UNC13C: variants seen among roughly 807,000 people sequenced by gnomAD.
UNC13C encodes the protein protein unc-13 homolog C.
A neutral mutation model predicts 245.4 loss-of-function variants in UNC13C; 174 were observed. That is an observed-to-expected ratio of 0.71 (90% CI 0.63 to 0.80). UNC13C has a LOEUF of 0.80. UNC13C is among the 30% of genes least tolerant of loss of function. The probability of loss-of-function intolerance (pLI) is 0.00; values close to 1 mark genes in which losing one functional copy is unlikely to be tolerated. For synonymous variants in UNC13C, 992 were observed against 895.1 expected (o/e 1.11, Z -1.93); for missense variants, 2,829 against 2,602.9 (o/e 1.09, Z -1.89).
intron 30 of UNC13C, among the ~76,000 whole-genome samples, chr15:54,594,072 A>G (rs1898939562): frequency 6.6e-6 from 1 of 152,140 alleles, no homozygotes; most frequent in Admixed American, 6.5e-5. Flanking sequence ...CCTGTGAGCC[A>G]TACTGCAGGG....
chr15:54,598,266 T>C (rs1371014823), intron 30 of UNC13C, among the ~76,000 whole-genome samples: 1 of 152,156 alleles, frequency 6.6e-6, no homozygotes, highest in Non-Finnish European at 1.5e-5. Context: ...CTAATTTTTG[T>C]GTATTTTTAG....
chr15:53,920,008 T>A, the UNC13C span, among the ~76,000 whole-genome samples: 3 of 152,186 alleles, frequency 2.0e-5, no homozygotes, highest in African/African-American at 7.2e-5. Context: ...GTATGCTTTG[T>A]ATATTAGAAG....
chr15:54,577,049 A>C (rs1420612708), intron 30 of UNC13C, among the ~76,000 whole-genome samples: 1 of 152,188 alleles, frequency 6.6e-6, no homozygotes, highest in Non-Finnish European at 1.5e-5. Flanking sequence ...TAGACACTGG[A>C]ACATCCAAAG....
At chr15:53,998,017 G>T (rs1300564378) in intron 1 of UNC13C, among the ~76,000 whole-genome samples, 1 of 151,998 alleles carries the variant, frequency 6.6e-6, no homozygotes, top group African/African-American at 2.4e-5. Context: ...TGCCCAGGCT[G>T]GTCTAGAATT....
In UNC13C at chr15:54,152,581, A is replaced by T. The variant is rs147280334; in HGVS notation, c.3071+8897A>T. On this transcript the variant is annotated intron_variant, in intron 4 of 32. Coordinates refer to ENST00000260323, the MANE Select transcript of UNC13C (RefSeq NM_001080534.3). The stretch of plus-strand genomic sequence containing the variant: ...CTTGAGTTTGAAGAGTAGCAAATTA[A>T]AACCACTGATACATCCTTTATGAAG... Among the ~76,000 whole-genome samples, 632 of 152,274 alleles carry T rather than the reference A, an allele frequency of 4.2e-3. 7 individuals are homozygous for T. Among genetic ancestry groups the T allele is most frequent in the African/African-American group, 0.015 (608 of 41,566 alleles).
chr15:54,378,823 A>T (rs2039660649), intron 17 of UNC13C, among the ~76,000 whole-genome samples: 1 of 151,968 alleles, frequency 6.6e-6, no homozygotes, highest in Non-Finnish European at 1.5e-5. Flanking sequence ...GTAATATTTT[A>T]TAATTATGTA....
At chr15:54,137,778 G>C (rs1463605963) in intron 2 of UNC13C, among the ~76,000 whole-genome samples, 7 of 151,972 alleles carry the variant, frequency 4.6e-5, no homozygotes, top group Non-Finnish European at 8.8e-5. Flanking sequence ...AACCCTCTTA[G>C]TTTCATCTAT....
chr15:54,035,338 A>G (rs1896531171), intron 2 of UNC13C, among the ~76,000 whole-genome samples: 1 of 152,046 alleles, frequency 6.6e-6, no homozygotes, highest in African/African-American at 2.4e-5. Flanking sequence ...ATTTCCCTTT[A>G]TATCTTCCTA....
chr15:54,583,494 G>T (rs1898303631), intron 30 of UNC13C, among the ~76,000 whole-genome samples: 1 of 152,114 alleles, frequency 6.6e-6, no homozygotes, highest in East Asian at 1.9e-4. Flanking sequence ...TCATTTAAAT[G>T]ACATTGCCAT....
At chr15:54,062,614 G>A (rs1185129806) in intron 2 of UNC13C, among the ~76,000 whole-genome samples, 1 of 152,178 alleles carries the variant, frequency 6.6e-6, no homozygotes, top group Non-Finnish European at 1.5e-5. Context: ...TGGAAGTACA[G>A]TTTAGTGTAA....
intron 4 of UNC13C, among the ~76,000 whole-genome samples, chr15:54,173,566 T>G (rs1056337193): frequency 9.2e-5 from 14 of 152,140 alleles, no homozygotes; most frequent in Non-Finnish European, 1.5e-4. Flanking sequence ...AATATTGATC[T>G]TGTATTCTGC....
chr15:54,529,469 A>G (rs769504401), intron 25 of UNC13C, among the ~76,000 whole-genome samples: 34 of 152,230 alleles, frequency 2.2e-4, no homozygotes, highest in Admixed American at 1.0e-3. Context: ...ATGCTAAAAT[A>G]CAAGTTCTCA....
intron 26 of UNC13C, among the ~76,000 whole-genome samples, chr15:54,536,090 C>T (rs933347746): frequency 1.3e-5 from 2 of 151,708 alleles, no homozygotes; most frequent in African/African-American, 2.4e-5. Flanking sequence ...ACTAGCTAGA[C>T]TAATAAGGGA....
At chr15:53,972,467 TA>T in the UNC13C span, among the ~76,000 whole-genome samples, 1 of 152,218 alleles carries the variant, frequency 6.6e-6, no homozygotes, top group South Asian at 2.1e-4. Context: ...TTCAAAGAAA[TA>T]TGTTCTTGAC....
intron 7 of UNC13C, among the ~76,000 whole-genome samples, chr15:54,244,814 A>G (rs4776217): frequency 0.23 from 34,275 of 152,008 alleles, 4,101 homozygotes; most frequent in African/African-American, 0.3. Flanking sequence ...TTTTTTGCAC[A>G]TTGATTTTGT....
the UNC13C span, among the ~76,000 whole-genome samples, chr15:53,906,261 G>C: frequency 7.2e-5 from 11 of 152,150 alleles, no homozygotes; most frequent in African/African-American, 2.7e-4. Flanking sequence ...GGGAGGTGGA[G>C]TCTGCAGTGA....
intron 1 of UNC13C, among the ~76,000 whole-genome samples, chr15:53,999,844 G>C (rs1178596242): frequency 3.3e-5 from 5 of 151,888 alleles, no homozygotes; most frequent in Admixed American, 3.3e-4. Context: ...TGGAGATGGA[G>C]TGTTTATAGA....
chr15:53,957,973 G>GT, the UNC13C span, among the ~76,000 whole-genome samples: 8 of 151,948 alleles, frequency 5.3e-5, no homozygotes, highest in East Asian at 1.9e-4. Context: ...TTTGTTTTTT[G>GT]TTTTTTTGTG....
Position 54,013,107 on chromosome 15 carries a change from G to A in UNC13C, c.204G>A (p.Lys68=). ...AAAGCACTGTAAAGAAGATTGCAAA[G>A]TGTTCATCCACTCACAACTTATCCA... ...TFKSTVKKIA[K]CSSTHNLSTE... is the part of the protein sequence containing the mutation. The change falls in exon 2 of 33, where the codon AAG becomes AAA. Residue 68 remains lysine, a synonymous_variant. Coordinates refer to ENST00000260323, the MANE Select transcript of UNC13C (RefSeq NM_001080534.3). 6.2e-7 allele frequency: 1 copy of A among 1,613,870 alleles called. No homozygotes were observed. The highest frequency in any genetic ancestry group is 8.5e-7 in the Non-Finnish European group (1 of 1,179,856).
Sources: allele counts gnomAD v4.1 joint callset (sites outside exome capture counted in the v4.1 genomes callset), GRCh38; gene constraint gnomAD v4.1.1; transcripts MANE v1.5; gene names NCBI Gene and HGNC (gene_info 2026-07-23, HGNC 2026-07-21).